TTYH2: variants seen among roughly 807,000 people sequenced by gnomAD.
TTYH2 encodes the protein protein tweety homolog 2.
Under a neutral mutation model 68.3 loss-of-function variants are expected in TTYH2, and 49 were observed. The ratio of observed to expected loss-of-function variants is 0.72; its 90% CI spans 0.57 to 0.91. The LOEUF (loss-of-function observed/expected upper bound fraction) is 0.91. TTYH2 is among the 40% of genes least tolerant of loss of function. The pLI, the probability that TTYH2 is intolerant of heterozygous loss-of-function variation, is 0.00. For synonymous variants in TTYH2, 272 were observed against 300.8 expected (o/e 0.90, Z 0.99); for missense variants, 631 against 700.4 (o/e 0.90, Z 1.12).
chr17:74,230,899 G>A lies in TTYH2; in HGVS notation c.314G>A (p.Gly105Asp). Residue 105 changes from glycine (G) to aspartate (D), a missense_variant, in exon 3 of 14, where the codon GGC becomes GAC. Physicochemically the swap from Gly to Asp is moderately conservative, Grantham distance 94. Transcript: ENST00000269346. ...GATCTTGCTTATAGTGCTGCGGTGG[G>A]CGTTGGTTTCTATGGAAACAGCGAG... is the stretch of plus-strand genomic sequence containing the variant. Reference protein sequence around the residue: ...VAGLICCAAVGVGFYGNSETN... With the variant: ...VAGLICCAAVDVGFYGNSETN... 1 of 1,614,026 alleles carries A rather than the reference G, an allele frequency of 6.2e-7. No individual in the cohort carries two copies. The highest frequency in any genetic ancestry group is 8.5e-7 in the Non-Finnish European group (1 of 1,179,978).
chr17:74,249,215 C>A, intron 7 of TTYH2, 129 bp from the exon 8 acceptor site: 1 of 1,552,474 alleles, frequency 6.4e-7, no homozygotes, highest in Non-Finnish European at 8.9e-7. Context: ...ATGCTCTAGG[C>A]CATTTCCTAG....
At chr17:74,254,887 G>A (rs1254119740) in intron 13 of TTYH2, among the ~76,000 whole-genome samples, 5 of 152,156 alleles carry the variant, frequency 3.3e-5, no homozygotes, top group Non-Finnish European at 5.9e-5. Context: ...GTCTGGGAGG[G>A]CTGAACCCAA....
rs1209207729 is a variant in TTYH2 at position 74,217,387 on chromosome 17, A to T, written c.129+3671A>T. Among the ~76,000 whole-genome samples the T allele has an allele frequency of 6.6e-6, 1 of 152,174 alleles. No homozygotes were observed. Among genetic ancestry groups the T allele is most frequent in the Non-Finnish European group, 1.5e-5 (1 of 68,034 alleles). On this transcript the variant is annotated intron_variant, in intron 1 of 13. Coordinates refer to ENST00000269346, the MANE Select transcript of TTYH2 (RefSeq NM_032646.6). This position sits in a 1 kb window ranked among gnomAD's most constrained non-coding sequence, Gnocchi z 4.0. The stretch of plus-strand genomic sequence containing the variant: ...TCTCATTGGTTGGTTCCGTTCATAG[A>T]TTCGCCAAAGTACAAAGTGGAGGGT...
rs79871450 is a variant in TTYH2 at position 74,223,285 on chromosome 17, T to G, written c.302+628T>G. Among the ~76,000 whole-genome samples the G allele has an allele frequency of 8.3e-3, 982 of 117,764 alleles. 15 individuals are homozygous for G. Among genetic ancestry groups the G allele is most frequent in the East Asian group, 0.055 (197 of 3,554 alleles). The allele number at this position is 117,764 out of a possible 152,430, so 77.3% of individuals were successfully genotyped here. ...CACCATGCCTGCCTGGCTTTTTTTT[T>G]GGGGGGCGGGGGGTGGGCGGGGAAG... On this transcript the variant is annotated intron_variant, in intron 2 of 13. Transcript: ENST00000269346.
At chr17:74,249,878 ACTGTGGGGCTCCTGGGAGACGGAG>A in intron 8 of TTYH2, 34 bp from the exon 9 acceptor site, 1 of 1,320,860 alleles carries the variant, frequency 7.6e-7, no homozygotes, top group Non-Finnish European at 1.1e-6. Flanking sequence ...ACGGAGCCTC[ACTGTGGGGCTCCTGGGAGACGGAG>A]CCTCACTGTG....
chr17:74,229,900 G>A (rs916692889), intron 2 of TTYH2, among the ~76,000 whole-genome samples: 1 of 152,214 alleles, frequency 6.6e-6, no homozygotes, highest in Non-Finnish European at 1.5e-5. Flanking sequence ...GGAGGCCAAG[G>A]CAGGTGGATC....
chr17:74,245,771 G>A lies in TTYH2; in HGVS notation c.804+1722G>A, dbSNP rs536986719. Among the ~76,000 whole-genome samples, 28 of 152,302 alleles carry A rather than the reference G, an allele frequency of 1.8e-4. No homozygotes were observed. The South Asian group carries it at 3.1e-3, about 17-fold the overall frequency. ...GAGGAGCCAGGAGGGCGGGGAGGGCGGCCGGCTGTCCCGGGGTTGTTGTGG... is the reference window on the plus strand; with the variant it reads ...GAGGAGCCAGGAGGGCGGGGAGGGCAGCCGGCTGTCCCGGGGTTGTTGTGG... On this transcript the variant is annotated intron_variant, in intron 6 of 13. Transcript: ENST00000269346.
At chr17:74,225,714 A>G (rs1482071781) in intron 2 of TTYH2, among the ~76,000 whole-genome samples, 1 of 152,104 alleles carries the variant, frequency 6.6e-6, no homozygotes, top group Non-Finnish European at 1.5e-5. Flanking sequence ...GAACGAGGGG[A>G]GCAGGGCCCT....
intron 3 of TTYH2, among the ~76,000 whole-genome samples, chr17:74,236,535 G>A (rs2050444647): frequency 2.0e-5 from 3 of 152,230 alleles, no homozygotes; most frequent in South Asian, 4.1e-4. Flanking sequence ...GAATGCATAC[G>A]TTTATTCCAG....
Position 74,213,767 on chromosome 17 carries a change from A to G in TTYH2, c.129+51A>G. On this transcript the variant is annotated intron_variant, in intron 1 of 13. Coordinates refer to ENST00000269346, the MANE Select transcript of TTYH2 (RefSeq NM_032646.6). The surrounding 1 kb of genome is among the most constrained non-coding windows in gnomAD (Gnocchi z 6.1). ...AGCCACGCGCGCCCCAAGTCCCCGC[A>G]CTACCCCCTCTCCCCTCGAGAGCCT... 1 of 1,587,144 alleles carries G rather than the reference A, an allele frequency of 6.3e-7. No individual in the cohort carries two copies. Among genetic ancestry groups the G allele is most frequent in the Non-Finnish European group, 8.6e-7 (1 of 1,165,946 alleles).
chr17:74,252,934 G>C (rs2050650267), intron 11 of TTYH2, 147 bp from the exon 12 acceptor site: 1 of 764,350 alleles, frequency 1.3e-6, no homozygotes. Flanking sequence ...CAGGAGGCAG[G>C]CTGGGGACCG....
At chr17:74,225,548 G>T (rs1244045642) in intron 2 of TTYH2, among the ~76,000 whole-genome samples, 2 of 152,176 alleles carry the variant, frequency 1.3e-5, no homozygotes, top group African/African-American at 4.8e-5. Context: ...AGTGGCCACC[G>T]GGTGACCGAA....
chr17:74,260,983 G>A lies in TTYH2; in HGVS notation c.*774G>A, dbSNP rs1037289363. 1 of 152,692 alleles carries A rather than the reference G, an allele frequency of 6.5e-6. No individual in the cohort carries two copies. Among genetic ancestry groups the A allele is most frequent in the Non-Finnish European group, 1.5e-5 (1 of 68,078 alleles). The allele number at this position is 152,692 out of a possible 1,614,324, so 9.5% of individuals were successfully genotyped here. On this transcript the variant is annotated 3_prime_UTR_variant, in exon 14 of 14. Transcript: ENST00000269346. ...TTAGCTGCAGATAGGCATGGTCTCAGGTATGAACAGACACTTTGAAACGAC... is the reference window on the plus strand; with the variant it reads ...TTAGCTGCAGATAGGCATGGTCTCAAGTATGAACAGACACTTTGAAACGAC...
At chr17:74,236,982 C>T (rs752337660) in intron 3 of TTYH2, among the ~76,000 whole-genome samples, 62 of 151,572 alleles carry the variant, frequency 4.1e-4, no homozygotes, top group Non-Finnish European at 7.7e-4. Context: ...TTGCAGACTC[C>T]GCCTCCCGGG....
chr17:74,244,976 A>G (rs1485073760), intron 6 of TTYH2, among the ~76,000 whole-genome samples: 1 of 152,224 alleles, frequency 6.6e-6, no homozygotes. Context: ...CAAAGTCCAC[A>G]GACTAACCCT....
chr17:74,261,675 A>G lies in TTYH2; in HGVS notation c.*1466A>G, dbSNP rs2050752351. 6.6e-6 allele frequency: 1 copy of G among 152,506 alleles called. No homozygotes were observed. The highest frequency in any genetic ancestry group is 2.4e-5 in the African/African-American group (1 of 41,426). 9.4% of individuals were successfully genotyped at this position (152,506 alleles called of 1,614,324 possible). On this transcript the variant is annotated 3_prime_UTR_variant, in exon 14 of 14. Coordinates refer to ENST00000269346, the MANE Select transcript of TTYH2 (RefSeq NM_032646.6). Reference sequence around the variant, plus strand: ...TCGGTGCTTCTGTTTTGGAAGAACCACCTGTCATCAAAACATGGACAGCAG... The same window carrying G: ...TCGGTGCTTCTGTTTTGGAAGAACCGCCTGTCATCAAAACATGGACAGCAG...
At chr17:74,219,348 C>G (rs1480121937) in intron 1 of TTYH2, among the ~76,000 whole-genome samples, 5 of 145,336 alleles carry the variant, frequency 3.4e-5, no homozygotes, top group Non-Finnish European at 7.4e-5. Context: ...GAGATTGTAC[C>G]ACTGCACTCC....
intron 4 of TTYH2, among the ~76,000 whole-genome samples, chr17:74,240,440 A>G (rs1331003230): frequency 7.1e-6 from 1 of 141,346 alleles, no homozygotes; most frequent in Non-Finnish European, 1.5e-5. Context: ...CTCTGTCTCA[A>G]AAAAAAAAAA....
In TTYH2 at chr17:74,239,793, T is replaced by G. The variant is rs1163876246; in HGVS notation, c.635+2279T>G. Among the ~76,000 whole-genome samples, 2 of 152,192 alleles carry G rather than the reference T, an allele frequency of 1.3e-5. No individual in the cohort carries two copies. Among genetic ancestry groups the G allele is most frequent in the Non-Finnish European group, 2.9e-5 (2 of 68,028 alleles). ...GAAGGAAACTGCCAGCTCTAAGGACTGTCTGTGACCTCCTGTGGCCCCAAA... is the reference window on the plus strand; with the variant it reads ...GAAGGAAACTGCCAGCTCTAAGGACGGTCTGTGACCTCCTGTGGCCCCAAA... On this transcript the variant is annotated intron_variant, in intron 4 of 13. Coordinates refer to ENST00000269346, the MANE Select transcript of TTYH2 (RefSeq NM_032646.6). This position sits in a 1 kb window ranked among gnomAD's most constrained non-coding sequence, Gnocchi z 5.3.
Sources: allele counts gnomAD v4.1 joint callset (sites outside exome capture counted in the v4.1 genomes callset), GRCh38; gene constraint gnomAD v4.1.1; non-coding constraint Gnocchi (gnomAD v3.1); transcripts MANE v1.5; gene names NCBI Gene and HGNC (gene_info 2026-07-23, HGNC 2026-07-21).